Variants in GIGYF2 observed in about 807,000 individuals in gnomAD.
GIGYF2 encodes GRB10 interacting GYF protein 2.
GIGYF2 carries 25 observed loss-of-function variants against 208.1 expected under a neutral mutation model. The observed-to-expected ratio is 0.12, with a 90% CI of 0.09 to 0.17. The LOEUF (loss-of-function observed/expected upper bound fraction) is 0.17. Among genes scored for constraint, GIGYF2 ranks in the 10% least tolerant of loss-of-function variants. GIGYF2 has a pLI of 1.00. For synonymous variants in GIGYF2, 534 were observed against 543.8 expected, an observed-to-expected ratio of 0.98 and a Z score of 0.25; for missense variants, 1,302 against 1,579.4, an observed-to-expected ratio of 0.82 and a Z score of 2.98.
chr2:232,856,535 C>CA (rs1021285200), intron 28 of GIGYF2, among the ~76,000 whole-genome samples: 5 of 151,590 alleles, frequency 3.3e-5, no homozygotes, highest in Admixed American at 6.6e-5. Flanking sequence ...ACTAAAAATA[C>CA]AAAAAAAATG....
intron 20 of GIGYF2, among the ~76,000 whole-genome samples, chr2:232,817,828 G>A (rs938185936): frequency 6.6e-6 from 1 of 152,154 alleles, no homozygotes; most frequent in Non-Finnish European, 1.5e-5. Context: ...GAATAATGCT[G>A]CTGTGAACAC....
rs374196173 is a variant in GIGYF2 at position 232,787,130 on chromosome 2, C to A, written c.533-20C>A. ...ACTGGCAGAGGCTCATGTTTACTTA[C>A]CATATTATTTTCTTTATAGGGAGAC... is the stretch of plus-strand genomic sequence containing the variant. On this transcript the variant is annotated intron_variant, in intron 8 of 28. Coordinates refer to ENST00000373563, the MANE Select transcript of GIGYF2 (RefSeq NM_001103146.3). 1 of 1,579,786 alleles carries A rather than the reference C, an allele frequency of 6.3e-7. No homozygotes were observed. Among genetic ancestry groups the A allele is most frequent in the Non-Finnish European group, 8.7e-7 (1 of 1,148,910 alleles).
At chr2:232,753,072 T>G (rs1698393731) in intron 5 of GIGYF2, among the ~76,000 whole-genome samples, 1 of 151,886 alleles carries the variant, frequency 6.6e-6, no homozygotes, top group South Asian at 2.1e-4. Context: ...GGTAGCATGC[T>G]GTGCACACAG....
intron 18 of GIGYF2, among the ~76,000 whole-genome samples, chr2:232,814,564 A>AC (rs1187503725): frequency 0.022 from 1,439 of 65,146 alleles, 89 homozygotes; most frequent in African/African-American, 0.032. Context: ...CTCCACCTCA[A>AC]ACCCCCCCCC....
chr2:232,736,267 A>G (rs1574820167), intron 3 of GIGYF2: 1 of 637,912 alleles, frequency 1.6e-6, no homozygotes, highest in East Asian at 1.4e-4. Flanking sequence ...TTATTCCTTT[A>G]TATTTTTAAA....
At chr2:232,750,574 C>T (rs986702533) in intron 5 of GIGYF2, among the ~76,000 whole-genome samples, 2 of 152,068 alleles carry the variant, frequency 1.3e-5, no homozygotes, top group Non-Finnish European at 2.9e-5. Context: ...TTTTTCCCAT[C>T]GTTTTTGTTT....
intron 1 of GIGYF2, among the ~76,000 whole-genome samples, chr2:232,698,600 A>G (rs970390737): frequency 1.3e-5 from 2 of 152,128 alleles, no homozygotes; most frequent in Non-Finnish European, 2.9e-5. Flanking sequence ...TCTCTTATTC[A>G]TTGATGGTTT....
intron 14 of GIGYF2, among the ~76,000 whole-genome samples, chr2:232,803,614 A>G (rs576530027): frequency 2.0e-5 from 3 of 151,414 alleles, no homozygotes; most frequent in African/African-American, 7.3e-5. Flanking sequence ...CTTTGTCAAA[A>G]TTTAGTTAAG....
intron 13 of GIGYF2, 43 bp downstream of exon 13, chr2:232,794,987 G>GT (rs1574893359): frequency 7.2e-7 from 1 of 1,395,096 alleles, no homozygotes; most frequent in Non-Finnish European, 1.0e-6. Flanking sequence ...TTAAACTGCC[G>GT]TAAGAATTAG....
intron 8 of GIGYF2, 134 bp from the exon 9 acceptor site, chr2:232,787,016 T>G: frequency 1.7e-6 from 1 of 576,022 alleles, no homozygotes. Context: ...ATACCCACTG[T>G]TATTTTAGTG....
chr2:232,843,691 T>C (rs1355136844), intron 23 of GIGYF2, among the ~76,000 whole-genome samples: 1 of 151,202 alleles, frequency 6.6e-6, no homozygotes, highest in Non-Finnish European at 1.5e-5. Flanking sequence ...CCGGCCAATA[T>C]GGTGAAATCC....
chr2:232,701,511 C>G (rs1326633835), intron 1 of GIGYF2, among the ~76,000 whole-genome samples: 2 of 151,014 alleles, frequency 1.3e-5, no homozygotes, highest in Non-Finnish European at 3.0e-5. Context: ...CTGACTGTAA[C>G]CTCAATCTCC....
chr2:232,797,488 CTT>C (rs1491345279), intron 14 of GIGYF2, among the ~76,000 whole-genome samples: 7 of 49,158 alleles, frequency 1.4e-4, no homozygotes, highest in East Asian at 5.6e-4. Flanking sequence ...GAGAGCAGGG[CTT>C]GTGTGTGTGT....
chr2:232,845,763 A>C lies in GIGYF2; in HGVS notation c.3337A>C (p.Lys1113Gln). ...TGTAGGTGTGTCTAACCGGCAGAAT[A>C]AGAAAGTAGAAGAAGAAGAAAAGTT... ...KSVGVSNRQN[K>Q]KVEEEEKLLK... The change falls in exon 26 of 29, where the codon AAG becomes CAG. Residue 1113 changes from lysine to glutamine, a missense_variant. Physicochemically the swap from Lys to Gln is moderately conservative, Grantham distance 53 (BLOSUM62 1). Coordinates refer to ENST00000373563, the MANE Select transcript of GIGYF2 (RefSeq NM_001103146.3). 1 of 1,606,720 alleles carries C rather than the reference A, an allele frequency of 6.2e-7. No homozygotes were observed. Among genetic ancestry groups the C allele is most frequent in the Non-Finnish European group, 8.5e-7 (1 of 1,173,150 alleles).
chr2:232,839,724 G>C (rs998675503), intron 22 of GIGYF2, 125 bp from the exon 23 acceptor site: 2 of 996,566 alleles, frequency 2.0e-6, no homozygotes, highest in African/African-American at 3.2e-5. Flanking sequence ...AAGGAAATTT[G>C]AATTGAATGT....
intron 1 of GIGYF2, among the ~76,000 whole-genome samples, chr2:232,701,080 A>G (rs1695819295): frequency 6.6e-6 from 1 of 152,114 alleles, no homozygotes; most frequent in Admixed American, 6.5e-5. Flanking sequence ...CCTTTATTGA[A>G]TTGCCTATAG....
rs1005668143 is a variant in GIGYF2, at chr2:232,814,568, C to CCT, written c.2108-1068_2108-1067insTC. ...ACAGAGTGAGACTCCACCTCAAACCCCCCCCCCCCAAAAAAAAAGTACCTT... is the reference window on the plus strand; with the variant it reads ...ACAGAGTGAGACTCCACCTCAAACCCCTCCCCCCCCCAAAAAAAAAGTACCTT... On this transcript the variant is annotated intron_variant, in intron 18 of 28. Transcript: ENST00000373563. Among the ~76,000 whole-genome samples, 2 of 123,536 alleles carry CCT rather than the reference C, an allele frequency of 1.6e-5. 1 individual carries two copies. The highest frequency in any genetic ancestry group is 3.6e-5 in the Non-Finnish European group (2 of 55,288). The allele number at this position is 123,536 out of a possible 152,430, so 81.0% of individuals were successfully genotyped here. A position where few individuals can be genotyped will look rare whatever the true frequency, so the allele number is the denominator to read the frequency against.
Position 232,844,520 on chromosome 2 carries a change from A to G in GIGYF2, c.3251A>G (p.Lys1084Arg). The part of the protein sequence containing the change: ...SNMGFWDDAV[K>R]EVGPRNSTNK... ...ATGGGATTCTGGGATGATGCAGTGA[A>G]AGAGGTGGGACCTAGGAATTCAACA... is the stretch of plus-strand genomic sequence containing the variant. The change falls in exon 25 of 29, where the codon AAA (lysine) becomes AGA (arginine). Residue 1084 changes from lysine to arginine, a missense_variant. Transcript: ENST00000373563. 1 of 1,614,016 alleles carries G rather than the reference A, an allele frequency of 6.2e-7. No individual in the cohort carries two copies. The highest frequency in any genetic ancestry group is 8.5e-7 in the Non-Finnish European group (1 of 1,179,908).
At chr2:232,703,031 C>T (rs907927688) in intron 1 of GIGYF2, among the ~76,000 whole-genome samples, 2 of 152,188 alleles carry the variant, frequency 1.3e-5, no homozygotes, top group Non-Finnish European at 2.9e-5. Context: ...AATCGATCAC[C>T]TTCCTTGGCC....
Sources: gnomAD v4.1 joint callset for allele counts (sites outside exome capture counted in the v4.1 genomes callset) on GRCh38, gnomAD v4.1.1 for gene constraint, MANE v1.5 for transcripts, NCBI Gene and HGNC (gene_info 2026-07-23, HGNC 2026-07-21) for gene names.